GABRR1: variants seen among roughly 807,000 people sequenced by gnomAD.
GABRR1 encodes the protein gamma-aminobutyric acid receptor subunit rho-1.
In GABRR1, 59 loss-of-function variants were observed where a neutral mutation model predicts 55.5. The ratio of observed to expected loss-of-function variants is 1.06; its 90% CI spans 0.86 to 1.32. GABRR1 has a LOEUF of 1.32. GABRR1 is among the 40% of genes most tolerant of loss of function. The pLI, the probability that GABRR1 is intolerant of heterozygous loss-of-function variation, is 0.00. For missense variants in GABRR1, 602 were observed against 619.1 expected, an observed-to-expected ratio of 0.97 and a Z score of 0.29; for synonymous variants, 213 against 226.0, an observed-to-expected ratio of 0.94 and a Z score of 0.51.
intron 5 of GABRR1, among the ~76,000 whole-genome samples, chr6:89,193,075 T>C (rs1386083994): frequency 2.0e-5 from 3 of 152,156 alleles, no homozygotes; most frequent in South Asian, 2.1e-4. Flanking sequence ...CATTCCTCAT[T>C]TGTGTCCTAA....
In GABRR1 at chr6:89,203,461, T is replaced by C. The variant is rs755545309; in HGVS notation, c.147A>G (p.Val49=). 9 of 1,613,306 alleles carry C rather than the reference T, an allele frequency of 5.6e-6. No homozygotes were observed. The highest frequency in any genetic ancestry group is 1.7e-5 in the Admixed American group (1 of 59,996). Residue 49 remains valine (V), a synonymous_variant, in exon 2 of 10, where the codon GTA becomes GTG. Transcript: ENST00000454853. ...TGACTTGCTTGTGGGCATCTTCATG[T>C]ACTTCTCGTCTTTGTCTTTGGGGCC... ...KGRPQRQRRE[V]HEDAHKQVSP... is the part of the protein sequence containing the mutation.
chr6:89,230,335 C>T (rs778480951), intron 1 of GABRR1, among the ~76,000 whole-genome samples: 3,922 of 142,544 alleles, frequency 0.028, 86 homozygotes, highest in Non-Finnish European at 0.043. Context: ...GGAGGAGAGG[C>T]GCTCTGCGTT....
intron 5 of GABRR1, among the ~76,000 whole-genome samples, chr6:89,192,713 A>T (rs919827004): frequency 6.6e-6 from 1 of 151,858 alleles, no homozygotes; most frequent in Non-Finnish European, 1.5e-5. Flanking sequence ...GACATGTGCC[A>T]CCATGCCCAG....
At chr6:89,190,289 A>G (rs2127794050) in intron 5 of GABRR1, 42 bp from the exon 6 acceptor site, 1 of 1,435,178 alleles carries the variant, frequency 7.0e-7, no homozygotes. Flanking sequence ...AGAGCCTGCA[A>G]AAGACGAGTG....
At chr6:89,199,509 T>C in intron 3 of GABRR1, 80 bp from the exon 4 acceptor site, 1 of 1,347,746 alleles carries the variant, frequency 7.4e-7, no homozygotes, top group Non-Finnish European at 1.1e-6. Context: ...AAGGAGCATT[T>C]CCCCTGGAAC....
chr6:89,193,904 G>C (rs1772180696), intron 5 of GABRR1, among the ~76,000 whole-genome samples: 1 of 152,064 alleles, frequency 6.6e-6, no homozygotes, highest in African/African-American at 2.4e-5. Flanking sequence ...CATCCCCGAT[G>C]CTCCTCTCTC....
intron 1 of GABRR1, among the ~76,000 whole-genome samples, chr6:89,215,198 T>C (rs893013321): frequency 7.1e-4 from 108 of 152,260 alleles, no homozygotes; most frequent in African/African-American, 2.5e-3. Context: ...CAGGTATATA[T>C]CCAAAGGACT....
intron 1 of GABRR1, among the ~76,000 whole-genome samples, chr6:89,216,294 A>T (rs12205364): frequency 0.36 from 55,104 of 152,088 alleles, 10,608 homozygotes; most frequent in African/African-American, 0.47. Flanking sequence ...AAAGCTAGAT[A>T]TCTTTTCATA....
chr6:89,183,894 A>G (rs1771809122), intron 7 of GABRR1, among the ~76,000 whole-genome samples: 1 of 152,124 alleles, frequency 6.6e-6, no homozygotes, highest in Admixed American at 6.5e-5. Flanking sequence ...TGAGGGATGA[A>G]AAACTACCCA....
chr6:89,211,338 C>A (rs1186685164), intron 1 of GABRR1, among the ~76,000 whole-genome samples: 1 of 152,158 alleles, frequency 6.6e-6, no homozygotes, highest in Non-Finnish European at 1.5e-5. Context: ...TCTCTTCATC[C>A]TTTGAACCCT....
intron 2 of GABRR1, among the ~76,000 whole-genome samples, chr6:89,202,316 C>A (rs1772505447): frequency 6.6e-6 from 1 of 151,944 alleles, no homozygotes; most frequent in African/African-American, 2.4e-5. Context: ...TGTTTTGAGA[C>A]AGTCTCACTG....
chr6:89,222,979 T>C lies in GABRR1; in HGVS notation c.-410-1533A>G, dbSNP rs139546468. Among the ~76,000 whole-genome samples the C allele has an allele frequency of 5.3e-3, 804 of 152,270 alleles. 8 individuals carry two copies. Among genetic ancestry groups the C allele is most frequent in the African/African-American group, 0.018 (766 of 41,538 alleles). ...GCTTAATTTTATCCACACATATTAT[T>C]TTGTCATCACAAGCATCATCATGAA... On this transcript the variant is annotated intron_variant, in intron 1 of 11. Coordinates refer to the GABRR1 transcript ENST00000369451.
rs142044778 is a variant in GABRR1 at position 89,205,976 on chromosome 6, T to C, written c.123-2491A>G. On this transcript the variant is annotated intron_variant, in intron 1 of 9. Transcript: ENST00000454853. Reference sequence around the variant, plus strand: ...CCACTTCTCAGACATGTACTGCTCATAGGGCTACATTTTTCTGATGTGCAT... The same window carrying C: ...CCACTTCTCAGACATGTACTGCTCACAGGGCTACATTTTTCTGATGTGCAT... 6.1e-4 allele frequency among the ~76,000 whole-genome samples: 89 copies of C among 145,738 alleles called. 1 individual carries two copies. In the East Asian group the frequency reaches 0.016, roughly 26 times the overall value.
chr6:89,197,024 A>C (rs676211), intron 5 of GABRR1, among the ~76,000 whole-genome samples: 89,216 of 151,678 alleles, frequency 0.59, 26,750 homozygotes, highest in East Asian at 0.93. Flanking sequence ...CATTTTAAGC[A>C]TTAAAGATGA....
At chr6:89,230,236 A>G (rs1243523107) in intron 1 of GABRR1, among the ~76,000 whole-genome samples, 1 of 138,876 alleles carries the variant, frequency 7.2e-6, no homozygotes, top group Non-Finnish European at 1.6e-5. Context: ...GAGTAATTTG[A>G]TCATCTGAAG....
chr6:89,188,422 C>T (rs1771980659), intron 6 of GABRR1, among the ~76,000 whole-genome samples: 1 of 152,162 alleles, frequency 6.6e-6, no homozygotes, highest in Non-Finnish European at 1.5e-5. Flanking sequence ...CACATCCTCC[C>T]CAGAATTGTT....
At chr6:89,198,588 C>T (rs1459284676) in intron 4 of GABRR1, among the ~76,000 whole-genome samples, 1 of 152,124 alleles carries the variant, frequency 6.6e-6, no homozygotes, top group Non-Finnish European at 1.5e-5. Flanking sequence ...GCAAACAGCA[C>T]TCAATCAGAG....
At chr6:89,210,829 A>C (rs1346845401) in intron 1 of GABRR1, among the ~76,000 whole-genome samples, 1 of 152,060 alleles carries the variant, frequency 6.6e-6, no homozygotes, top group Non-Finnish European at 1.5e-5. Flanking sequence ...TGAGATAAAA[A>C]AGGCAATGCT....
intron 1 of GABRR1, among the ~76,000 whole-genome samples, chr6:89,210,048 A>G: frequency 6.6e-6 from 1 of 152,048 alleles, no homozygotes; most frequent in East Asian, 1.9e-4. Context: ...AAGTGGAAAC[A>G]TGGGGTCTGT....
Sources: gnomAD v4.1 joint callset for allele counts (sites outside exome capture counted in the v4.1 genomes callset) on GRCh38, gnomAD v4.1.1 for gene constraint, MANE v1.5 for transcripts, NCBI Gene and HGNC (gene_info 2026-07-23, HGNC 2026-07-21) for gene names.